The following AGBL1 variants were observed in gnomAD, a reference collection of about 807,000 sequenced individuals.
The protein encoded by AGBL1 is AGBL carboxypeptidase 1.
A neutral mutation model predicts 118.9 loss-of-function variants in AGBL1; 130 were observed. The ratio of observed to expected loss-of-function variants is 1.09; its 90% CI spans 0.95 to 1.26. AGBL1 has a LOEUF of 1.26. Ranked by LOEUF, AGBL1 falls within the 50% of genes most tolerant of loss-of-function variation. AGBL1 has a pLI of 0.00. For synonymous variants in AGBL1, 555 were observed against 478.9 expected (o/e 1.16, Z -2.08); for missense variants, 1,584 against 1,298.1 (o/e 1.22, Z -3.38).
intron 22 of AGBL1, among the ~76,000 whole-genome samples, chr15:86,724,721 G>A (rs1475846904): frequency 3.3e-5 from 5 of 152,166 alleles, no homozygotes; most frequent in Admixed American, 2.6e-4. Flanking sequence ...GGTCATGGGA[G>A]TGGATCCCTC....
chr15:86,307,007 C>T (rs932474074), intron 17 of AGBL1, among the ~76,000 whole-genome samples: 6 of 151,918 alleles, frequency 3.9e-5, no homozygotes, highest in South Asian at 2.1e-4. Flanking sequence ...ATTTTTTGAT[C>T]GGATCATTCA....
intron 18 of AGBL1, among the ~76,000 whole-genome samples, chr15:86,490,920 A>G (rs1330301058): frequency 1.3e-5 from 2 of 152,118 alleles, no homozygotes; most frequent in African/African-American, 2.4e-5. Flanking sequence ...GGAAATCTAG[A>G]TGATGATTGT....
At chr15:86,201,430 T>G (rs899499010) in intron 5 of AGBL1, among the ~76,000 whole-genome samples, 7 of 152,226 alleles carry the variant, frequency 4.6e-5, no homozygotes, top group African/African-American at 1.7e-4. Context: ...CACAGTGTCC[T>G]GAAGCCATGT....
chr15:86,188,673 A>T (rs184252105), intron 5 of AGBL1, among the ~76,000 whole-genome samples: 64 of 152,350 alleles, frequency 4.2e-4, no homozygotes, highest in African/African-American at 1.4e-3. Context: ...TCCTCAGAAC[A>T]TGCAGAAGCA....
intron 21 of AGBL1, among the ~76,000 whole-genome samples, chr15:86,562,703 G>A (rs1445433846): frequency 2.6e-5 from 4 of 152,176 alleles, no homozygotes; most frequent in Non-Finnish European, 2.9e-5. Context: ...GATTGGAATA[G>A]TTTCAGAAGG....
intron 5 of AGBL1, among the ~76,000 whole-genome samples, chr15:86,196,576 A>G (rs1318406748): frequency 6.6e-6 from 1 of 152,072 alleles, no homozygotes. Context: ...GGGGTGGGTA[A>G]TACCTGCACA....
intron 20 of AGBL1, among the ~76,000 whole-genome samples, chr15:86,550,992 A>T (rs891562116): frequency 6.6e-6 from 1 of 152,046 alleles, no homozygotes; most frequent in Non-Finnish European, 1.5e-5. Flanking sequence ...TTATGGATCA[A>T]AGAGGAAATC....
chr15:86,710,721 G>A (rs1378588217), intron 22 of AGBL1, among the ~76,000 whole-genome samples: 1 of 152,126 alleles, frequency 6.6e-6, no homozygotes. Context: ...TAGTCAAGTG[G>A]CAATAGACAA....
At position 86,250,684 on chromosome 15, in the gene AGBL1, G is replaced by A. The variant is rs1009851955; in HGVS notation, c.735+2805G>A. Among the ~76,000 whole-genome samples, 3 of 151,808 alleles carry A rather than the reference G, an allele frequency of 2.0e-5. No homozygotes were observed. In the South Asian group the frequency reaches 6.2e-4, roughly 31 times the overall value. ...TGCAGGTGAAAGATAGGCTGTCCTG[G>A]CTTAGAAACCAAATGGCTTGTTACT... On this transcript the variant is annotated intron_variant, in intron 7 of 22. Coordinates refer to ENST00000614907, the MANE Select transcript of AGBL1 (RefSeq NM_001386094.1).
intron 21 of AGBL1, among the ~76,000 whole-genome samples, chr15:86,557,858 A>T (rs1291930480): frequency 6.6e-6 from 1 of 152,174 alleles, no homozygotes; most frequent in Non-Finnish European, 1.5e-5. Context: ...CAAGCCCTCA[A>T]ATGATGATCC....
At chr15:87,008,933 A>G (rs2081531005) in intron 24 of AGBL1, among the ~76,000 whole-genome samples, 1 of 152,214 alleles carries the variant, frequency 6.6e-6, no homozygotes, top group Admixed American at 6.5e-5. Context: ...GGTGCTGTTA[A>G]AAGCATTCAG....
At chr15:86,526,263 T>A (rs1275726957) in intron 19 of AGBL1, among the ~76,000 whole-genome samples, 1 of 152,070 alleles carries the variant, frequency 6.6e-6, no homozygotes, top group Non-Finnish European at 1.5e-5. Context: ...ACACTACCAA[T>A]GGGAATGTAT....
chr15:86,176,854 T>A (rs1213466534), intron 5 of AGBL1, among the ~76,000 whole-genome samples: 1 of 152,138 alleles, frequency 6.6e-6, no homozygotes. Context: ...GTGGCTAGGA[T>A]TGCAGGAGTC....
chr15:86,617,032 T>C (rs905243234), intron 21 of AGBL1, among the ~76,000 whole-genome samples: 1 of 152,220 alleles, frequency 6.6e-6, no homozygotes, highest in African/African-American at 2.4e-5. Flanking sequence ...AGTTTAAATG[T>C]TATCTTGCCT....
intron 22 of AGBL1, among the ~76,000 whole-genome samples, chr15:86,813,582 C>T (rs547938653): frequency 2.0e-5 from 3 of 152,170 alleles, no homozygotes; most frequent in Non-Finnish European, 4.4e-5. Context: ...CCCTTTGGCC[C>T]TTCATCTCTC....
At chr15:86,722,878 A>T (rs2086750067) in intron 22 of AGBL1, among the ~76,000 whole-genome samples, 1 of 152,246 alleles carries the variant, frequency 6.6e-6, no homozygotes, top group African/African-American at 2.4e-5. Context: ...GAAGACATTT[A>T]TGCAGCCAAA....
chr15:86,342,758 A>G (rs1234688501), intron 17 of AGBL1, among the ~76,000 whole-genome samples: 2 of 152,238 alleles, frequency 1.3e-5, no homozygotes, highest in Non-Finnish European at 2.9e-5. Flanking sequence ...AAATGAAATA[A>G]CAAACATATA....
intron 22 of AGBL1, among the ~76,000 whole-genome samples, chr15:86,801,488 C>G (rs2078649829): frequency 6.6e-6 from 1 of 152,044 alleles, no homozygotes; most frequent in African/African-American, 2.4e-5. Context: ...GACCCTGGTT[C>G]TCACTCATGT....
chr15:86,420,635 C>T (rs2081775080), intron 18 of AGBL1, among the ~76,000 whole-genome samples: 1 of 152,142 alleles, frequency 6.6e-6, no homozygotes, highest in South Asian at 2.1e-4. Context: ...CAGAAGGAGG[C>T]TTCAGAAGGT....
Sources: allele counts gnomAD v4.1 joint callset (sites outside exome capture counted in the v4.1 genomes callset), GRCh38; gene constraint gnomAD v4.1.1; transcripts MANE v1.5; gene names NCBI Gene and HGNC (gene_info 2026-07-23, HGNC 2026-07-21).